The following SAMSN1 variants were observed in gnomAD, a reference collection of about 807,000 sequenced individuals.
SAMSN1 encodes SAM domain, SH3 domain and nuclear localization signals 1, also known as SAM domain-containing protein SAMSN-1.
A neutral mutation model predicts 42.0 loss-of-function variants in SAMSN1; 31 were observed. The ratio of observed to expected loss-of-function variants is 0.74; its 90% CI spans 0.55 to 1.00. The LOEUF is 1.00. Among genes scored for constraint, SAMSN1 ranks in the 50% least tolerant of loss-of-function variants. The pLI, the probability that SAMSN1 is intolerant of heterozygous loss-of-function variation, is 0.00. For synonymous variants in SAMSN1, 178 were observed against 151.9 expected (o/e 1.17, Z -1.26); for missense variants, 464 against 439.4 (o/e 1.06, Z -0.50).
rs780147922 is a variant in SAMSN1 at position 14,485,960 on chromosome 21, A to C, written c.1074T>G (p.Asn358Lys). ...TAATCTTATGTACCATGTCAGACAGATTTTCAGACTCCAGATCCTCTTTGC... is the reference window on the plus strand; with the variant it reads ...TAATCTTATGTACCATGTCAGACAGCTTTTCAGACTCCAGATCCTCTTTGC... Reference protein sequence around the residue: ...DNGKEDLESENLSDMVHKIII... With the variant: ...DNGKEDLESEKLSDMVHKIII... Residue 358 changes from asparagine (N) to lysine (K), a missense_variant, in exon 8 of 8, where the codon AAT (asparagine) becomes AAG (lysine). Physicochemically the swap from Asn to Lys is moderately conservative, Grantham distance 94. Transcript: ENST00000400566. 4.3e-6 allele frequency: 7 copies of C among 1,613,634 alleles called. No homozygotes were observed. In the South Asian group the frequency reaches 7.7e-5, roughly 18 times the overall value.
chr21:14,533,833 A>C (rs1439244242), intron 1 of SAMSN1, among the ~76,000 whole-genome samples: 3 of 152,344 alleles, frequency 2.0e-5, no homozygotes, highest in South Asian at 2.1e-4. Flanking sequence ...TGGTCAAAGT[A>C]AAGTCAATTA....
chr21:14,609,745 G>T (rs531649879), intron 4 of SAMSN1, among the ~76,000 whole-genome samples: 1 of 152,214 alleles, frequency 6.6e-6, no homozygotes, highest in African/African-American at 2.4e-5. Context: ...GGAGGGACCG[G>T]CTGAAGCCAT....
At chr21:14,515,357 C>T (rs1247673994) in intron 3 of SAMSN1, among the ~76,000 whole-genome samples, 1 of 152,058 alleles carries the variant, frequency 6.6e-6, no homozygotes, top group East Asian at 1.9e-4. Flanking sequence ...TATTTATGGT[C>T]AATTGATTTT....
intron 2 of SAMSN1, among the ~76,000 whole-genome samples, chr21:14,564,344 G>GA (rs1405370515): frequency 6.6e-6 from 1 of 152,112 alleles, no homozygotes; most frequent in African/African-American, 2.4e-5. Flanking sequence ...TCTTGGAAGA[G>GA]AAAAAATGAG....
intron 6 of SAMSN1, among the ~76,000 whole-genome samples, chr21:14,597,102 G>A (rs1409106228): frequency 1.3e-5 from 2 of 152,064 alleles, no homozygotes; most frequent in African/African-American, 2.4e-5. Context: ...GGTTGACACT[G>A]TCATTTTGGA....
At chr21:14,555,059 T>TG (rs1980718481) in intron 2 of SAMSN1, among the ~76,000 whole-genome samples, 1 of 152,176 alleles carries the variant, frequency 6.6e-6, no homozygotes, top group Non-Finnish European at 1.5e-5. Context: ...TCTTTGAGAC[T>TG]ATTCAGGTCT....
chr21:14,538,999 G>C (rs952970162), intron 1 of SAMSN1, among the ~76,000 whole-genome samples: 5 of 152,168 alleles, frequency 3.3e-5, no homozygotes, highest in Non-Finnish European at 7.3e-5. Flanking sequence ...TAAAGGCCAA[G>C]ATGTTCTAAT....
At chr21:14,509,009 G>A (rs751527590) in intron 5 of SAMSN1, among the ~76,000 whole-genome samples, 36 of 152,074 alleles carry the variant, frequency 2.4e-4, no homozygotes, top group Non-Finnish European at 4.6e-4. Context: ...CCAGCTAGTC[G>A]GGAGGCTGAG....
intron 1 of SAMSN1, among the ~76,000 whole-genome samples, chr21:14,525,304 A>T (rs1035352155): frequency 2.0e-4 from 30 of 152,330 alleles, no homozygotes; most frequent in African/African-American, 7.0e-4. Flanking sequence ...CAAGCTCTGT[A>T]TCTAGCTACC....
chr21:14,512,367 G>A (rs1287066965), intron 4 of SAMSN1, 77 bp downstream of exon 4: 2 of 1,494,560 alleles, frequency 1.3e-6, no homozygotes, highest in African/African-American at 1.4e-5. Context: ...CCTTGTGGCT[G>A]ATTTAACTTG....
intron 3 of SAMSN1, among the ~76,000 whole-genome samples, chr21:14,613,514 A>C (rs1371590184): frequency 6.6e-6 from 1 of 152,146 alleles, no homozygotes; most frequent in Non-Finnish European, 1.5e-5. Context: ...TCTACTATTG[A>C]TATTCTTTAT....
At chr21:14,620,354 T>C (rs533319575) in intron 2 of SAMSN1, among the ~76,000 whole-genome samples, 7 of 152,254 alleles carry the variant, frequency 4.6e-5, no homozygotes, top group Middle Eastern at 6.8e-3. Flanking sequence ...GTTTCATAAG[T>C]GGTTAACAGT....
intron 2 of SAMSN1, among the ~76,000 whole-genome samples, chr21:14,563,574 C>G (rs2088487350): frequency 6.6e-6 from 1 of 152,144 alleles, no homozygotes; most frequent in Non-Finnish European, 1.5e-5. Context: ...GAGAGCAGCA[C>G]TGGGTCTAGA....
chr21:14,525,167 A>G (rs2123057344), intron 1 of SAMSN1, among the ~76,000 whole-genome samples: 1 of 152,350 alleles, frequency 6.6e-6, no homozygotes, highest in Non-Finnish European at 1.5e-5. Flanking sequence ...CCAGGCAATG[A>G]TCATCAATGG....
chr21:14,485,638 A>G lies in SAMSN1; in HGVS notation c.*274T>C, dbSNP rs1444508741. 1 of 268,906 alleles carries G rather than the reference A, an allele frequency of 3.7e-6. No homozygotes were observed. Among genetic ancestry groups the G allele is most frequent in the Non-Finnish European group, 7.0e-6 (1 of 141,904 alleles). The allele number at this position is 268,906 out of a possible 1,614,324, so 16.7% of individuals were successfully genotyped here. A position where few individuals can be genotyped will look rare whatever the true frequency, so the allele number is the denominator to read the frequency against. On this transcript the variant is annotated 3_prime_UTR_variant, in exon 8 of 8. Transcript: ENST00000400566. ...TGTAAAATAAAGCCAAATAAAGCATATGTCACACATACCAAAGTCTTACAT... is the reference window on the plus strand; with the variant it reads ...TGTAAAATAAAGCCAAATAAAGCATGTGTCACACATACCAAAGTCTTACAT...
intron 2 of SAMSN1, among the ~76,000 whole-genome samples, chr21:14,568,707 G>A (rs1265847552): frequency 6.6e-6 from 1 of 151,696 alleles, no homozygotes; most frequent in Non-Finnish European, 1.5e-5. Flanking sequence ...TCCCTCCCAA[G>A]GGAAGCCTAA....
In SAMSN1 at chr21:14,488,491, T is replaced by A. The variant is rs181911398; in HGVS notation, c.920-2377A>T. 4.6e-3 allele frequency among the ~76,000 whole-genome samples: 708 copies of A among 152,278 alleles called. 4 individuals are homozygous for A. The highest frequency in any genetic ancestry group is 0.01 in the Middle Eastern group (3 of 294). On this transcript the variant is annotated intron_variant, in intron 7 of 7. Transcript: ENST00000400566. ...TCCTTTAAAAAAATAAATATTTAGCTTGTTATTTCACTCTCAGAAGCCTCT... is the reference window on the plus strand; with the variant it reads ...TCCTTTAAAAAAATAAATATTTAGCATGTTATTTCACTCTCAGAAGCCTCT...
intron 1 of SAMSN1, among the ~76,000 whole-genome samples, chr21:14,644,605 G>A (rs1211845022): frequency 6.6e-6 from 1 of 152,152 alleles, no homozygotes; most frequent in Non-Finnish European, 1.5e-5. Flanking sequence ...AGCTGTGGTG[G>A]CTACAGAGGA....
At chr21:14,510,493 G>T in intron 4 of SAMSN1, 32 bp from the exon 5 acceptor site, 1 of 1,612,514 alleles carries the variant, frequency 6.2e-7, no homozygotes, top group South Asian at 1.1e-5. Context: ...AGTTGTCATG[G>T]AAGACTTATA....
Sources: gnomAD v4.1 joint callset for allele counts (sites outside exome capture counted in the v4.1 genomes callset) on GRCh38, gnomAD v4.1.1 for gene constraint, MANE v1.5 for transcripts, NCBI Gene and HGNC (gene_info 2026-07-23, HGNC 2026-07-21) for gene names.